SUSD1: variants seen among roughly 807,000 people sequenced by gnomAD.
The protein encoded by SUSD1 is sushi domain-containing protein 1.
In SUSD1, 65 loss-of-function variants were observed where a neutral mutation model predicts 86.9. That is an observed-to-expected ratio of 0.75 (90% CI 0.61 to 0.92). The LOEUF (loss-of-function observed/expected upper bound fraction) is 0.92. Ranked by LOEUF, SUSD1 falls within the 40% of genes least tolerant of loss-of-function variation. The pLI is 0.00. For synonymous variants in SUSD1, 346 were observed against 350.0 expected (o/e 0.99, Z 0.13); for missense variants, 850 against 929.7 (o/e 0.91, Z 1.11).
At chr9:112,064,877 GAA>G (rs558673175) in intron 12 of SUSD1, among the ~76,000 whole-genome samples, 2 of 87,988 alleles carry the variant, frequency 2.3e-5, no homozygotes, top group Admixed American at 1.3e-4. Context: ...CTCTGTCTCA[GAA>G]AAAAAAAAAA....
At chr9:112,124,516 A>C (rs1051702830) in intron 5 of SUSD1, 80 bp from the exon 6 acceptor site, 1 of 1,384,578 alleles carries the variant, frequency 7.2e-7, no homozygotes, top group Non-Finnish European at 9.7e-7. Flanking sequence ...ATAAATATTT[A>C]ATAGTGATAG....
intron 3 of SUSD1, among the ~76,000 whole-genome samples, chr9:112,147,120 G>A (rs1272141426): frequency 6.6e-6 from 1 of 152,178 alleles, no homozygotes; most frequent in Non-Finnish European, 1.5e-5. Context: ...CTAGATTCCA[G>A]TAAATGCTGT....
Position 112,041,440 on chromosome 9 carries a change from A to C in SUSD1, c.*52T>G. 1 of 780,954 alleles carries C rather than the reference A, an allele frequency of 1.3e-6. No homozygotes were observed. Among genetic ancestry groups the C allele is most frequent in the Non-Finnish European group, 2.4e-6 (1 of 418,110 alleles). 48.4% of individuals were successfully genotyped at this position (780,954 alleles called of 1,614,324 possible). ...CTGTGCGGGCACCTGAGAAGCTGCC[A>C]GAACACCTGCCCAGCAGCAGTGCAT... On this transcript the variant is annotated 3_prime_UTR_variant, in exon 17 of 17. Transcript: ENST00000374270.
rs143671732 is a variant in SUSD1, at chr9:112,043,699, A to C, written c.2150-1739T>G. On this transcript the variant is annotated intron_variant, in intron 15 of 16. Coordinates refer to ENST00000374270, the MANE Select transcript of SUSD1 (RefSeq NM_022486.5). ...AAAAAATGCTGCCAAGAGCCTTTCT[A>C]GAAAACATGGCTTATATTATTTGGT... Among the ~76,000 whole-genome samples, 27 of 152,336 alleles carry C rather than the reference A, an allele frequency of 1.8e-4. 1 individual carries two copies. The East Asian group carries it at 5.2e-3, about 29-fold the overall frequency.
chr9:112,115,824 G>GGA (rs1831297472), intron 6 of SUSD1, among the ~76,000 whole-genome samples: 1 of 120,956 alleles, frequency 8.3e-6, no homozygotes, highest in African/African-American at 3.1e-5. Flanking sequence ...AAAAAAAAAA[G>GGA]AAAAAAAAAA....
intron 1 of SUSD1, among the ~76,000 whole-genome samples, chr9:112,160,739 T>C (rs1156892924): frequency 6.6e-6 from 1 of 152,122 alleles, no homozygotes; most frequent in Non-Finnish European, 1.5e-5. Flanking sequence ...GAGGAAGAAC[T>C]AAAAGCCAAT....
intron 6 of SUSD1, among the ~76,000 whole-genome samples, chr9:112,115,824 G>GGAAAAAAAAAAGA (rs1831297472): frequency 8.3e-6 from 1 of 120,956 alleles, no homozygotes; most frequent in Non-Finnish European, 1.6e-5. Flanking sequence ...AAAAAAAAAA[G>GGAAAAAAAAAAGA]AAAAAAAAAA....
chr9:112,096,918 G>T (rs1195012801), intron 10 of SUSD1, among the ~76,000 whole-genome samples: 1 of 152,140 alleles, frequency 6.6e-6, no homozygotes, highest in Non-Finnish European at 1.5e-5. Flanking sequence ...GCATTACTAT[G>T]CAGCTGAAAA....
At chr9:112,154,377 G>A (rs1361386340) in intron 2 of SUSD1, among the ~76,000 whole-genome samples, 1 of 151,780 alleles carries the variant, frequency 6.6e-6, no homozygotes, top group African/African-American at 2.4e-5. Flanking sequence ...AGCTGCACGT[G>A]GTGGTGTGTG....
intron 2 of SUSD1, among the ~76,000 whole-genome samples, chr9:112,155,336 C>T (rs566936500): frequency 9.9e-5 from 15 of 152,086 alleles, no homozygotes; most frequent in African/African-American, 3.4e-4. Context: ...ATCCATTCTT[C>T]TCAACTTCAT....
chr9:112,160,368 A>T lies in SUSD1; in HGVS notation c.104-2755T>A, dbSNP rs190010206. On this transcript the variant is annotated intron_variant, in intron 1 of 16. Transcript: ENST00000374270. ...AGACCAGCCTGGCCAACGTGGTGAA[A>T]CCCCATCTCTCCTAAAAATACAAAA... Among the ~76,000 whole-genome samples, 125 of 152,128 alleles carry T rather than the reference A, an allele frequency of 8.2e-4. 2 individuals are homozygous for T. Among genetic ancestry groups the T allele is most frequent in the African/African-American group, 2.8e-3 (118 of 41,494 alleles).
rs141852989 is a variant in SUSD1, at chr9:112,131,982, T to C, written c.707-7546A>G. ...GGTTTCAAGGGCCAAATTTATAATA[T>C]AACTTATATCTCATATCTTGAAGAT... On this transcript the variant is annotated intron_variant, in intron 5 of 16. Coordinates refer to ENST00000374270, the MANE Select transcript of SUSD1 (RefSeq NM_022486.5). 1.4e-4 allele frequency among the ~76,000 whole-genome samples: 21 copies of C among 152,308 alleles called. No homozygotes were observed. In the East Asian group the frequency reaches 2.7e-3, roughly 20 times the overall value.
At chr9:112,133,948 C>T (rs1832143813) in intron 5 of SUSD1, among the ~76,000 whole-genome samples, 2 of 152,128 alleles carry the variant, frequency 1.3e-5, no homozygotes, top group South Asian at 4.1e-4. Flanking sequence ...CACAAGCAAT[C>T]AAGAAACATA....
chr9:112,057,918 T>A (rs1271209964), intron 14 of SUSD1, among the ~76,000 whole-genome samples: 1 of 152,166 alleles, frequency 6.6e-6, no homozygotes, highest in East Asian at 1.9e-4. Flanking sequence ...AATTATCTAA[T>A]GAATATTGAG....
At chr9:112,160,907 G>A (rs73538293) in intron 1 of SUSD1, among the ~76,000 whole-genome samples, 5,169 of 152,242 alleles carry the variant, frequency 0.034, 220 homozygotes, top group African/African-American at 0.084. Context: ...TTTTACGACC[G>A]GGAGAAAATG....
intron 3 of SUSD1, among the ~76,000 whole-genome samples, chr9:112,144,126 G>T (rs1157995518): frequency 6.6e-6 from 1 of 151,950 alleles, no homozygotes; most frequent in Non-Finnish European, 1.5e-5. Flanking sequence ...TGTAGTCCCA[G>T]CTATTCAGGA....
At chr9:112,115,717 G>A (rs916561134) in intron 6 of SUSD1, among the ~76,000 whole-genome samples, 4 of 146,878 alleles carry the variant, frequency 2.7e-5, no homozygotes, top group South Asian at 2.2e-4. Context: ...ACTGAGGCAC[G>A]AGAACTGCTT....
chr9:112,162,912 C>T (rs1422731781), intron 1 of SUSD1, among the ~76,000 whole-genome samples: 1 of 152,178 alleles, frequency 6.6e-6, no homozygotes, highest in Non-Finnish European at 1.5e-5. Flanking sequence ...ACAATTTCTA[C>T]ATAAATGAAA....
At chr9:112,164,742 A>C (rs1435548320) in intron 1 of SUSD1, among the ~76,000 whole-genome samples, 1 of 152,252 alleles carries the variant, frequency 6.6e-6, no homozygotes, top group South Asian at 2.1e-4. Context: ...CAAGAGATTG[A>C]GATCATCCTG....
Sources: allele counts gnomAD v4.1 joint callset (sites outside exome capture counted in the v4.1 genomes callset), GRCh38; gene constraint gnomAD v4.1.1; transcripts MANE v1.5; gene names NCBI Gene and HGNC (gene_info 2026-07-23, HGNC 2026-07-21).